Variants in SYTL3 observed in about 807,000 individuals in gnomAD.
SYTL3 encodes synaptotagmin like 3, also known as synaptotagmin-like protein 3.
A neutral mutation model predicts 82.1 loss-of-function variants in SYTL3; 88 were observed. That is an observed-to-expected ratio of 1.07 (90% CI 0.90 to 1.28). The LOEUF is 1.28. SYTL3 is among the 50% of genes most tolerant of loss of function. The pLI, the probability that SYTL3 is intolerant of heterozygous loss-of-function variation, is 0.00. For missense variants in SYTL3, 831 were observed against 757.6 expected (o/e 1.10, Z -1.14); for synonymous variants, 311 against 289.4 (o/e 1.07, Z -0.76).
chr6:158,734,115 AAGAAG>A (rs1292170239), intron 11 of SYTL3, among the ~76,000 whole-genome samples: 5 of 150,732 alleles, frequency 3.3e-5, no homozygotes, highest in Admixed American at 6.6e-5. Context: ...AAAAAAAAAA[AAGAAG>A]CACCCTTTCT....
chr6:158,687,484 G>A (rs1012760089), intron 6 of SYTL3, among the ~76,000 whole-genome samples: 1 of 152,196 alleles, frequency 6.6e-6, no homozygotes, highest in African/African-American at 2.4e-5. Flanking sequence ...CCTAGTCAGA[G>A]AGGACAAAGG....
intron 5 of SYTL3, among the ~76,000 whole-genome samples, chr6:158,682,605 T>C (rs1366633398): frequency 6.6e-6 from 1 of 151,370 alleles, no homozygotes; most frequent in Non-Finnish European, 1.5e-5. Flanking sequence ...GTGATCCGCC[T>C]GCCTCGGCCT....
Position 158,708,972 on chromosome 6 carries a change from G to A in SYTL3, c.516+581G>A, listed in dbSNP as rs532241350. 1.0e-3 allele frequency among the ~76,000 whole-genome samples: 156 copies of A among 152,284 alleles called. 1 individual carries two copies. Among genetic ancestry groups the A allele is most frequent in the African/African-American group, 3.0e-3 (123 of 41,554 alleles). On this transcript the variant is annotated intron_variant, in intron 8 of 17. Transcript: ENST00000611299. ...AAGTCAAAAATATATTTAGCTAGGC[G>A]CGGTGGCTCACGCCAGCACTTTGGG...
intron 14 of SYTL3, among the ~76,000 whole-genome samples, chr6:158,759,012 C>T (rs189908482): frequency 3.3e-5 from 5 of 152,304 alleles, no homozygotes; most frequent in South Asian, 4.2e-4. Flanking sequence ...TTGGCTCCTC[C>T]GGGACGCCCT....
chr6:158,653,399 G>A (rs761201133), intron 2 of SYTL3, among the ~76,000 whole-genome samples: 4 of 152,090 alleles, frequency 2.6e-5, no homozygotes, highest in South Asian at 2.1e-4. Flanking sequence ...TCAGCTACTC[G>A]GGAGGTTGAG....
intron 2 of SYTL3, among the ~76,000 whole-genome samples, chr6:158,653,324 T>C (rs1027995156): frequency 2.0e-5 from 3 of 151,978 alleles, no homozygotes; most frequent in Admixed American, 2.0e-4. Context: ...CTGACCAACA[T>C]GAAGAAACCC....
chr6:158,763,261 C>A, intron 16 of SYTL3, 43 bp from the exon 17 acceptor site: 4 of 1,591,288 alleles, frequency 2.5e-6, no homozygotes, highest in Non-Finnish European at 3.4e-6. Context: ...GAGAGAAGGC[C>A]GTGTGGATGG....
intron 6 of SYTL3, among the ~76,000 whole-genome samples, chr6:158,697,043 C>G (rs978821180): frequency 6.6e-6 from 1 of 151,346 alleles, no homozygotes; most frequent in Non-Finnish European, 1.5e-5. Flanking sequence ...TTAGCAAGTG[C>G]TAAGTGAAAT....
intron 11 of SYTL3, among the ~76,000 whole-genome samples, chr6:158,732,789 T>TA (rs1166454889): frequency 6.6e-6 from 1 of 152,194 alleles, no homozygotes; most frequent in Non-Finnish European, 1.5e-5. Flanking sequence ...GTTAGTATTG[T>TA]AAAAAACCTT....
intron 6 of SYTL3, among the ~76,000 whole-genome samples, chr6:158,685,707 A>T (rs1779227727): frequency 6.6e-6 from 1 of 152,040 alleles, no homozygotes. Context: ...AATCCCAGCT[A>T]CTCGGGAGGC....
chr6:158,718,023 G>A (rs1219762646), intron 9 of SYTL3, 64 bp from the exon 10 acceptor site: 6 of 1,431,636 alleles, frequency 4.2e-6, no homozygotes, highest in African/African-American at 2.9e-5. Context: ...CCCCAGAAGA[G>A]GCTCCCACAA....
In SYTL3 at chr6:158,751,943, C is replaced by T. The variant is rs1788443162; in HGVS notation, c.1050C>T (p.Tyr350=). 1 of 1,598,516 alleles carries T rather than the reference C, an allele frequency of 6.3e-7. No homozygotes were observed. Among genetic ancestry groups the T allele is most frequent in the African/African-American group, 1.4e-5 (1 of 73,970 alleles). ...TGGCCCCTAGGTATGTGAAGACCTA[C>T]CTGTTGCCCGACAGATCCTCCCAGG... is the stretch of plus-strand genomic sequence containing the variant. ...KKKCNPYVKT[Y]LLPDRSSQGK... is the part of the protein sequence containing the mutation. Residue 350 remains tyrosine, a synonymous_variant, in exon 13 of 18, where the codon TAC becomes TAT. Coordinates refer to ENST00000611299, the MANE Select transcript of SYTL3 (RefSeq NM_001242394.2).
At chr6:158,661,655 A>G (rs1181438138) in intron 3 of SYTL3, among the ~76,000 whole-genome samples, 1 of 152,258 alleles carries the variant, frequency 6.6e-6, no homozygotes, top group Non-Finnish European at 1.5e-5. Flanking sequence ...AGAAAAAATT[A>G]AATCTTTATT....
intron 8 of SYTL3, among the ~76,000 whole-genome samples, chr6:158,708,707 T>A (rs1180780743): frequency 6.6e-6 from 1 of 151,512 alleles, no homozygotes; most frequent in African/African-American, 2.4e-5. Flanking sequence ...GTAGAGTCTC[T>A]GGGGTCTAAG....
intron 6 of SYTL3, among the ~76,000 whole-genome samples, chr6:158,706,735 C>T (rs536828788): frequency 6.6e-6 from 1 of 152,296 alleles, no homozygotes; most frequent in African/African-American, 2.4e-5. Flanking sequence ...ATATCAGATG[C>T]AGTCTTATTT....
At chr6:158,728,797 G>A (rs540840180) in intron 11 of SYTL3, among the ~76,000 whole-genome samples, 2 of 152,158 alleles carry the variant, frequency 1.3e-5, no homozygotes, top group Non-Finnish European at 2.9e-5. Flanking sequence ...AAAATTAGCC[G>A]GGCGCGGTGG....
In SYTL3 at chr6:158,760,688, G is replaced by A; in HGVS notation, c.1357G>A (p.Val453Ile). 1 of 1,614,180 alleles carries A rather than the reference G, an allele frequency of 6.2e-7. No homozygotes were observed. Reference sequence around the variant, plus strand: ...TCCTCAGAGTAATGGAGAGCTCACAGTCCGGGCTAAGCTGGTTCTCCCTTC... The same window carrying A: ...TCCTCAGAGTAATGGAGAGCTCACAATCCGGGCTAAGCTGGTTCTCCCTTC... ...SVPQSNGELT[V>I]RAKLVLPSRP... The change falls in exon 15 of 18, where the codon GTC (valine) becomes ATC (isoleucine). Residue 453 changes from valine (V) to isoleucine (I), a missense_variant. Physicochemically the swap from Val to Ile is conservative, Grantham distance 29. Transcript: ENST00000611299.
intron 12 of SYTL3, among the ~76,000 whole-genome samples, chr6:158,750,890 G>A (rs551816208): frequency 6.6e-6 from 1 of 152,284 alleles, no homozygotes; most frequent in South Asian, 2.1e-4. Context: ...CCATCTCCCA[G>A]GTACAAGCGA....
At position 158,715,651 on chromosome 6, in the gene SYTL3, C is replaced by A. The variant is rs1344315012; in HGVS notation, c.595+1773C>A. 4.1e-5 allele frequency among the ~76,000 whole-genome samples: 4 copies of A among 96,740 alleles called. No individual in the cohort carries two copies. The East Asian group carries it at 8.5e-4, about 21-fold the overall frequency. 63.5% of individuals were successfully genotyped at this position (96,740 alleles called of 152,430 possible). ...CAGCACCCCCCATACCCCCCCACCA[C>A]CCCCACCCCCTGCCCAGAGGCAGAG... On this transcript the variant is annotated intron_variant, in intron 9 of 17. Transcript: ENST00000611299.
Sources: gnomAD v4.1 joint callset for allele counts (sites outside exome capture counted in the v4.1 genomes callset) on GRCh38, gnomAD v4.1.1 for gene constraint, MANE v1.5 for transcripts, NCBI Gene and HGNC (gene_info 2026-07-23, HGNC 2026-07-21) for gene names.